Variants in ZNF644 observed in about 807,000 individuals in gnomAD.
ZNF644 encodes zinc finger motif enhancer binding protein 2.
In ZNF644, 20 loss-of-function variants were observed where a neutral mutation model predicts 108.0. That is an observed-to-expected ratio of 0.19 (90% CI 0.13 to 0.27). The LOEUF is 0.27. Ranked by LOEUF, ZNF644 falls within the 10% of genes least tolerant of loss-of-function variation. The pLI, the probability that ZNF644 is intolerant of heterozygous loss-of-function variation, is 1.00. For missense variants in ZNF644, 1,338 were observed against 1,548.9 expected (o/e 0.86, Z 2.29); for synonymous variants, 542 against 539.1 (o/e 1.01, Z -0.08).
At chr1:91,006,653 T>TAG (rs1210057059) in intron 1 of ZNF644, among the ~76,000 whole-genome samples, 3 of 152,086 alleles carry the variant, frequency 2.0e-5, no homozygotes, top group Admixed American at 6.6e-5. Flanking sequence ...AGACATGCCA[T>TAG]CTAGATCCCT....
chr1:90,948,744 C>A (rs570984241), intron 2 of ZNF644, among the ~76,000 whole-genome samples: 1 of 152,154 alleles, frequency 6.6e-6, no homozygotes, highest in African/African-American at 2.4e-5. Flanking sequence ...GTTCAAGGGT[C>A]AACTGTATTT....
chr1:91,001,872 A>T (rs1182131946), intron 1 of ZNF644, among the ~76,000 whole-genome samples: 1 of 152,236 alleles, frequency 6.6e-6, no homozygotes, highest in East Asian at 1.9e-4. Flanking sequence ...AAAAATCACA[A>T]GCATTCTTAT....
rs373652259 is a variant in ZNF644, at chr1:90,933,650, C to A, written c.3688+3835G>T. On this transcript the variant is annotated intron_variant, in intron 4 of 5. Transcript: ENST00000337393. ...CTGCACTCCAATCTGGGTGACAGAG[C>A]GAGACTCCGTCTCAAAATAAATAAA... is the stretch of plus-strand genomic sequence containing the variant. Among the ~76,000 whole-genome samples the A allele has an allele frequency of 1.7e-4, 25 of 145,088 alleles. No individual in the cohort carries two copies. In the East Asian group the frequency reaches 4.0e-3, roughly 23 times the overall value.
intron 4 of ZNF644, among the ~76,000 whole-genome samples, chr1:90,922,203 T>C (rs1400341278): frequency 2.0e-5 from 3 of 152,208 alleles, no homozygotes; most frequent in Non-Finnish European, 2.9e-5. Context: ...GCCACCGAAG[T>C]ATTTTTATTT....
At chr1:91,012,927 A>T (rs1404512650) in intron 1 of ZNF644, among the ~76,000 whole-genome samples, 3 of 152,198 alleles carry the variant, frequency 2.0e-5, no homozygotes, top group Non-Finnish European at 4.4e-5. Flanking sequence ...ATCAATCTCC[A>T]TCATATTGTT....
chr1:90,984,227 T>C (rs1326952883), intron 1 of ZNF644, among the ~76,000 whole-genome samples: 1 of 152,172 alleles, frequency 6.6e-6, no homozygotes. Context: ...AGGAAATTAA[T>C]ACACTGAAGA....
At chr1:90,974,147 T>C (rs2101354179) in intron 2 of ZNF644, among the ~76,000 whole-genome samples, 1 of 152,124 alleles carries the variant, frequency 6.6e-6, no homozygotes, top group South Asian at 2.1e-4. Context: ...TGTCCTCTAA[T>C]CATACTCCTG....
intron 4 of ZNF644, among the ~76,000 whole-genome samples, chr1:90,926,980 G>A (rs1255811687): frequency 6.6e-6 from 1 of 152,078 alleles, no homozygotes; most frequent in African/African-American, 2.4e-5. Context: ...CACTTTACCA[G>A]TCCAACTCAA....
intron 1 of ZNF644, among the ~76,000 whole-genome samples, chr1:90,983,886 G>A (rs1242378962): frequency 3.9e-5 from 6 of 152,168 alleles, no homozygotes; most frequent in Non-Finnish European, 8.8e-5. Context: ...CCAAGATCAC[G>A]TCGCTGCATC....
At chr1:90,962,344 C>T (rs1375164718) in intron 2 of ZNF644, among the ~76,000 whole-genome samples, 1 of 151,904 alleles carries the variant, frequency 6.6e-6, no homozygotes. Flanking sequence ...AGTCCATAAA[C>T]AGACCCATAT....
rs766274534 is a variant in ZNF644 at position 90,939,752 on chromosome 1, T to C, written c.1602A>G (p.Ala534=). ...YYCCEECNFM[A]VTENELECHR... ...GGCATTCCAATTCATTTTCTGTCAC[T>C]GCCATGAAGTTACACTCTTCACAGC... is the stretch of plus-strand genomic sequence containing the variant. The change falls in exon 3 of 6, where the codon GCA becomes GCG. Residue 534 remains alanine, a synonymous_variant. Coordinates refer to ENST00000337393, the MANE Select transcript of ZNF644 (RefSeq NM_201269.3). The C allele has an allele frequency of 3.5e-5, 56 of 1,613,884 alleles. No individual in the cohort carries two copies. The highest frequency in any genetic ancestry group is 4.7e-5 in the Non-Finnish European group (56 of 1,179,964).
chr1:90,949,529 C>G lies in ZNF644; in HGVS notation c.45-8220G>C, dbSNP rs909480801. 3.9e-5 allele frequency among the ~76,000 whole-genome samples: 6 copies of G among 152,070 alleles called. No individual in the cohort carries two copies. The East Asian group carries it at 1.2e-3, about 29-fold the overall frequency. ...CTTCTCTCTCACATTATTGTCTTAACAAAAATATACTTGGCTCTCTCTGTG... is the reference window on the plus strand; with the variant it reads ...CTTCTCTCTCACATTATTGTCTTAAGAAAAATATACTTGGCTCTCTCTGTG... On this transcript the variant is annotated intron_variant, in intron 2 of 5. Transcript: ENST00000337393.
chr1:90,941,062 C>G lies in ZNF644; in HGVS notation c.292G>C (p.Ala98Pro), dbSNP rs1436176599. The G allele has an allele frequency of 1.2e-6, 2 of 1,614,130 alleles. No individual in the cohort carries two copies. Among genetic ancestry groups the G allele is most frequent in the South Asian group, 2.2e-5 (2 of 91,082 alleles). The change falls in exon 3 of 6, where the codon GCT becomes CCT. Residue 98 changes from alanine to proline, a missense_variant. Ala to Pro is a conservative substitution (Grantham distance 27). Transcript: ENST00000337393. ...SGGQSSLFIH[A>P]GAPTVSSENF... ...TCACTAGAAACAGTAGGAGCACCAG[C>G]ATGTATAAATAGACTAGACTGGCCT... is the stretch of plus-strand genomic sequence containing the variant.
intron 4 of ZNF644, 50 bp from the exon 5 acceptor site, chr1:90,918,204 T>TGTGTGTATGTATATTTTGA: frequency 6.9e-7 from 1 of 1,456,894 alleles, no homozygotes; most frequent in Non-Finnish European, 9.6e-7. Flanking sequence ...TTTCAAAATA[T>TGTGTGTATGTATATTTTGA]ACATACACAC....
rs79819394 is a variant in ZNF644, at chr1:91,010,914, T to C, written c.-18+11076A>G. Among the ~76,000 whole-genome samples, 922 of 152,306 alleles carry C rather than the reference T, an allele frequency of 6.1e-3. 3 individuals are homozygous for C. The highest frequency in any genetic ancestry group is 0.01 in the Non-Finnish European group (688 of 68,018). ...AAAACTGAAATCTCCCAAAACTAAATTCAAACATAACATTCATTTTTGTCA... is the reference window on the plus strand; with the variant it reads ...AAAACTGAAATCTCCCAAAACTAAACTCAAACATAACATTCATTTTTGTCA... On this transcript the variant is annotated intron_variant, in intron 1 of 5. Transcript: ENST00000337393.
chr1:90,979,248 G>C (rs1248275041), intron 2 of ZNF644, among the ~76,000 whole-genome samples: 1 of 152,090 alleles, frequency 6.6e-6, no homozygotes, highest in Non-Finnish European at 1.5e-5. Context: ...AAGGAGGGTG[G>C]GTCACCTGAG....
chr1:91,016,631 A>G lies in ZNF644; in HGVS notation c.-18+5359T>C, dbSNP rs531209038. Among the ~76,000 whole-genome samples, 4 of 152,354 alleles carry G rather than the reference A, an allele frequency of 2.6e-5. No homozygotes were observed. In the South Asian group the frequency reaches 8.3e-4, roughly 32 times the overall value. On this transcript the variant is annotated intron_variant, in intron 1 of 5. Coordinates refer to ENST00000337393, the MANE Select transcript of ZNF644 (RefSeq NM_201269.3). ...ATTATGCTGCACATGACTGTATTTA[A>G]TATCTTCCTCAAGAAACTAATGAAA...
At chr1:90,970,827 C>T (rs993321411) in intron 2 of ZNF644, among the ~76,000 whole-genome samples, 1 of 151,962 alleles carries the variant, frequency 6.6e-6, no homozygotes, top group South Asian at 2.1e-4. Context: ...TGGTGAAACC[C>T]TGTCTCTACT....
intron 1 of ZNF644, among the ~76,000 whole-genome samples, chr1:91,007,225 GTTTTTT>G (rs35761791): frequency 3.6e-5 from 2 of 56,000 alleles, no homozygotes; most frequent in Non-Finnish European, 6.6e-5. Context: ...CTCCCATTTT[GTTTTTT>G]TTTTTTTTTT....
Sources: allele counts gnomAD v4.1 joint callset (sites outside exome capture counted in the v4.1 genomes callset), GRCh38; gene constraint gnomAD v4.1.1; transcripts MANE v1.5; gene names NCBI Gene and HGNC (gene_info 2026-07-23, HGNC 2026-07-21).